Variants in MGST1 observed in about 807,000 individuals in gnomAD.
The protein encoded by MGST1 is microsomal glutathione S-transferase 1, also known as glutathione S-transferase 12.
MGST1 carries 5 observed loss-of-function variants against 8.9 expected under a neutral mutation model. The ratio of observed to expected loss-of-function variants is 0.56; its 90% CI spans 0.29 to 1.19. The LOEUF (loss-of-function observed/expected upper bound fraction) is 1.19, where lower values mean the gene tolerates loss of function less well. MGST1 is among the 50% of genes most tolerant of loss of function. MGST1 has a pLI of 0.08. For synonymous variants in MGST1, 54 were observed against 67.8 expected, an observed-to-expected ratio of 0.80 and a Z score of 1.00; for missense variants, 182 against 187.4, an observed-to-expected ratio of 0.97 and a Z score of 0.17.
downstream of MGST1, among the ~76,000 whole-genome samples, chr12:16,441,603 C>A (rs1421395493): frequency 2.6e-5 from 4 of 151,776 alleles, no homozygotes; most frequent in African/African-American, 9.7e-5. Context: ...CTTTTCAAAT[C>A]AGCTTCTTTC....
chr12:16,404,626 C>A (rs955764039), intron 1 of MGST1, among the ~76,000 whole-genome samples: 1 of 152,054 alleles, frequency 6.6e-6, no homozygotes, highest in Admixed American at 6.5e-5. Context: ...ATATTTTTAA[C>A]CTTCTCTGGG....
chr12:16,395,855 A>G (rs1177411920), intron 1 of MGST1, among the ~76,000 whole-genome samples: 2 of 149,610 alleles, frequency 1.3e-5, no homozygotes, highest in Non-Finnish European at 3.0e-5. Context: ...TCAGTAATTG[A>G]TGAGCATCTG....
At chr12:16,588,944 A>G (rs1366495645) in intron 4 of MGST1, among the ~76,000 whole-genome samples, 1 of 152,020 alleles carries the variant, frequency 6.6e-6, no homozygotes, top group African/African-American at 2.4e-5. Flanking sequence ...CTCTTTCCCT[A>G]CTGTGGTCCA....
chr12:16,377,513 A>G (rs151272652), downstream of MGST1, among the ~76,000 whole-genome samples: 7,964 of 152,056 alleles, frequency 0.052, 285 homozygotes, highest in Middle Eastern at 0.11. Flanking sequence ...TCCACGGTGT[A>G]TATGTGCCAC....
Sources: allele counts gnomAD v4.1 joint callset (sites outside exome capture counted in the v4.1 genomes callset), GRCh38; gene constraint gnomAD v4.1.1; transcripts MANE v1.5; gene names NCBI Gene and HGNC (gene_info 2026-07-23, HGNC 2026-07-21).